Variants in ACSL3 observed in about 807,000 individuals in gnomAD.
ACSL3 encodes the protein fatty acid CoA ligase Acsl3.
A neutral mutation model predicts 84.7 loss-of-function variants in ACSL3; 34 were observed. The ratio of observed to expected loss-of-function variants is 0.40; its 90% CI spans 0.31 to 0.53. ACSL3 has a LOEUF of 0.53. Among genes scored for constraint, ACSL3 ranks in the 20% least tolerant of loss-of-function variants. ACSL3 has a pLI of 0.48. For synonymous variants in ACSL3, 315 were observed against 299.4 expected (o/e 1.05, Z -0.54); for missense variants, 680 against 873.1 (o/e 0.78, Z 2.79).
At chr2:222,870,048 C>T (rs1272591866) in intron 1 of ACSL3, among the ~76,000 whole-genome samples, 3 of 150,928 alleles carry the variant, frequency 2.0e-5, no homozygotes, top group Non-Finnish European at 2.9e-5. Context: ...GTAACCCTGC[C>T]GTTGAGACTG....
rs1696824224 is a variant in ACSL3, at chr2:222,924,525, C to A, written c.1222C>A (p.Leu408Met). 1 of 1,610,640 alleles carries A rather than the reference C, an allele frequency of 6.2e-7. No individual in the cohort carries two copies. The highest frequency in any genetic ancestry group is 8.5e-7 in the Non-Finnish European group (1 of 1,178,486). ...VSEMSSFQRN[L>M]FILAYNYKME... ...TGAAATGAGTAGTTTTCAACGTAAT[C>A]TGTTTATTCTGGCCTATAATTACAA... The change falls in exon 11 of 17, where the codon CTG becomes ATG. Residue 408 changes from leucine (L) to methionine (M), a missense_variant. By Grantham distance (15) the Leu-to-Met change is conservative (BLOSUM62 2). Around this residue, in one of 2 missense-constraint regions of ACSL3, gnomAD observed 347 missense variants for 525.7 expected, o/e 0.66. Coordinates refer to ENST00000357430, the MANE Select transcript of ACSL3 (RefSeq NM_004457.5).
chr2:222,934,708 A>C (rs760617342), intron 16 of ACSL3, 21 bp downstream of exon 16: 1 of 1,600,446 alleles, frequency 6.2e-7, no homozygotes, highest in Non-Finnish European at 8.5e-7. Flanking sequence ...GGTTAAACTG[A>C]TACTAAAAAC....
At chr2:222,928,645 A>T (rs1696944874) in intron 12 of ACSL3, among the ~76,000 whole-genome samples, 1 of 149,128 alleles carries the variant, frequency 6.7e-6, no homozygotes, top group South Asian at 2.1e-4. Context: ...AATGACAATA[A>T]CTAATTTAAA....
chr2:222,940,522 A>G (rs945819523), intron 16 of ACSL3, among the ~76,000 whole-genome samples: 25 of 150,498 alleles, frequency 1.7e-4, no homozygotes, highest in African/African-American at 4.4e-4. Flanking sequence ...TATGCAGCAT[A>G]TAATGAAGTT....
chr2:222,904,983 C>T (rs903801192), intron 3 of ACSL3: 7 of 152,758 alleles, frequency 4.6e-5, no homozygotes, highest in African/African-American at 7.2e-5. Context: ...TTGGGGAGAC[C>T]TCTAGAGTAA....
chr2:222,922,917 C>CGA, intron 9 of ACSL3, 86 bp downstream of exon 9: 1 of 1,540,768 alleles, frequency 6.5e-7, no homozygotes, highest in South Asian at 1.2e-5. Flanking sequence ...CAGTATATTG[C>CGA]GAGAGCGATG....
intron 2 of ACSL3, among the ~76,000 whole-genome samples, chr2:222,893,780 C>A (rs1403489702): frequency 5.3e-5 from 8 of 151,864 alleles, no homozygotes; most frequent in Admixed American, 5.3e-4. Flanking sequence ...CTCCCCATCC[C>A]TCCTCTGCCT....
At chr2:222,910,379 A>G (rs1268495119) in intron 4 of ACSL3, among the ~76,000 whole-genome samples, 2 of 152,270 alleles carry the variant, frequency 1.3e-5, no homozygotes, top group East Asian at 3.9e-4. Flanking sequence ...TAATAGGTTT[A>G]ATATCTTTTA....
chr2:222,934,670 C>T lies in ACSL3; in HGVS notation c.1988C>T (p.Ser663Phe), dbSNP rs764453764. The T allele has an allele frequency of 1.9e-6, 3 of 1,607,902 alleles. No homozygotes were observed. The highest frequency in any genetic ancestry group is 3.4e-5 in the Admixed American group (2 of 59,110). The change falls in exon 16 of 17, where the codon TCC becomes TTC. Residue 663 changes from serine (S) to phenylalanine (F), a missense_variant. Coordinates refer to ENST00000357430, the MANE Select transcript of ACSL3 (RefSeq NM_004457.5). Reference protein sequence around the residue: ...EMENEVLKVLSEAAISASLEK... With the variant: ...EMENEVLKVLFEAAISASLEK... ...GAAAATGAGGTACTTAAAGTGCTTT[C>T]CGAAGCTGCTATTTCAGGTGAGTAT... is the stretch of plus-strand genomic sequence containing the variant.
chr2:222,904,203 G>A (rs945856537), intron 3 of ACSL3, among the ~76,000 whole-genome samples: 4 of 151,950 alleles, frequency 2.6e-5, no homozygotes, highest in Non-Finnish European at 5.9e-5. Context: ...CCTGGGAGGC[G>A]GAGGTTGCAG....
Position 222,943,984 on chromosome 2 carries a change from A to C in ACSL3, c.*2330A>C, listed in dbSNP as rs1697394038. On this transcript the variant is annotated 3_prime_UTR_variant, in exon 17 of 17. Transcript: ENST00000357430. ...ACTGGGAATAAACTAAGCTCTATGA[A>C]GAATTCGTAAGCATTACATGTTCCA... 1 of 152,166 alleles carries C rather than the reference A, an allele frequency of 6.6e-6. No homozygotes were observed. Among genetic ancestry groups the C allele is most frequent in the Non-Finnish European group, 1.5e-5 (1 of 67,986 alleles). The allele number at this position is 152,166 out of a possible 1,614,324, so 9.4% of individuals were successfully genotyped here. A position where few individuals can be genotyped will look rare whatever the true frequency, so the allele number is the denominator to read the frequency against.
Position 222,909,087 on chromosome 2 carries a change from G to A in ACSL3, c.315G>A (p.Leu105=), listed in dbSNP as rs771954508. ...ACAAATTTAAGAACAAAAGACTCTT[G>A]GGAACACGTGAAGTTTTAAATGAGG... ...AKNKFKNKRL[L]GTREVLNEED... is the part of the protein sequence containing the mutation. Residue 105 remains leucine, a synonymous_variant, in exon 4 of 17, where the codon TTG becomes TTA. Transcript: ENST00000357430. 6.2e-7 allele frequency: 1 copy of A among 1,606,640 alleles called. No homozygotes were observed.
chr2:222,877,060 A>G (rs1695467915), intron 1 of ACSL3, among the ~76,000 whole-genome samples: 1 of 152,210 alleles, frequency 6.6e-6, no homozygotes, highest in African/African-American at 2.4e-5. Context: ...GCATGGGACA[A>G]GAACACACAT....
chr2:222,942,809 T>C lies in ACSL3; in HGVS notation c.*1155T>C, dbSNP rs1454921746. 1 of 219,808 alleles carries C rather than the reference T, an allele frequency of 4.5e-6. No individual in the cohort carries two copies. The highest frequency in any genetic ancestry group is 9.1e-6 in the Non-Finnish European group (1 of 109,746). 13.6% of individuals were successfully genotyped at this position (219,808 alleles called of 1,614,324 possible). A position where few individuals can be genotyped will look rare whatever the true frequency, so the allele number is the denominator to read the frequency against. On this transcript the variant is annotated 3_prime_UTR_variant, in exon 17 of 17. Transcript: ENST00000357430. ...ATGATAGCATTCTCACTAAGACACA[T>C]GAGAATTTAACTTTATAACCGCGTG...
At chr2:222,929,364 A>AT (rs1393426246) in intron 13 of ACSL3, among the ~76,000 whole-genome samples, 2 of 152,086 alleles carry the variant, frequency 1.3e-5, no homozygotes, top group Admixed American at 6.5e-5. Context: ...CTGCAATTCC[A>AT]TAGAAGTCTG....
chr2:222,943,321 G>T lies in ACSL3; in HGVS notation c.*1667G>T, dbSNP rs1420985260. ...TTAAATATTAATGTTTGGGATAACT[G>T]CCAAGAAGAAGTAAAAATATTGAAT... On this transcript the variant is annotated 3_prime_UTR_variant, in exon 17 of 17. Transcript: ENST00000357430. 5.2e-6 allele frequency: 1 copy of T among 191,308 alleles called. No homozygotes were observed. Among genetic ancestry groups the T allele is most frequent in the Non-Finnish European group, 1.1e-5 (1 of 91,512 alleles). The allele number at this position is 191,308 out of a possible 1,614,324, so 11.9% of individuals were successfully genotyped here. A position where few individuals can be genotyped will look rare whatever the true frequency, so the allele number is the denominator to read the frequency against.
intron 1 of ACSL3, among the ~76,000 whole-genome samples, chr2:222,877,527 A>C (rs376493660): frequency 6.6e-5 from 10 of 152,168 alleles, no homozygotes; most frequent in Admixed American, 2.0e-4. Flanking sequence ...TTTTTATTAG[A>C]TACTAACCTC....
At chr2:222,918,006 A>G (rs1696630482) in intron 5 of ACSL3, 40 bp from the exon 6 acceptor site, 1 of 1,416,692 alleles carries the variant, frequency 7.1e-7, no homozygotes, top group East Asian at 2.3e-5. Flanking sequence ...TTTGTAGTTA[A>G]ATGTTTGAAT....
intron 12 of ACSL3, 75 bp downstream of exon 12, chr2:222,927,264 T>C (rs1696908364): frequency 6.7e-7 from 1 of 1,495,320 alleles, no homozygotes; most frequent in Admixed American, 1.8e-5. Flanking sequence ...TTTCTGCAAA[T>C]ATATAGGAGA....
Sources: gnomAD v4.1 joint callset for allele counts (sites outside exome capture counted in the v4.1 genomes callset) on GRCh38, gnomAD v4.1.1 for gene constraint, gnomAD v4.1.1 regional missense constraint, MANE v1.5 for transcripts, NCBI Gene and HGNC (gene_info 2026-07-23, HGNC 2026-07-21) for gene names.